PPFIA3: variants seen among roughly 807,000 people sequenced by gnomAD.
PPFIA3 encodes the protein PPFI scaffold protein A3, also known as liprin-alpha-3.
PPFIA3 carries 26 observed loss-of-function variants against 145.8 expected under a neutral mutation model. The ratio of observed to expected loss-of-function variants is 0.18; its 90% CI spans 0.13 to 0.25. The LOEUF is 0.25. Among genes scored for constraint, PPFIA3 ranks in the 10% least tolerant of loss-of-function variants. The pLI is 1.00. For synonymous variants in PPFIA3, 645 were observed against 661.4 expected (o/e 0.98, Z 0.38); for missense variants, 1,008 against 1,587.8 (o/e 0.63, Z 6.21).
At chr19:49,122,096 T>G (rs1012598672) in intron 1 of PPFIA3, among the ~76,000 whole-genome samples, 6 of 151,636 alleles carry the variant, frequency 4.0e-5, no homozygotes, top group African/African-American at 1.5e-4. Context: ...TTTTTTTTTT[T>G]TGAGACGGAG....
Position 49,150,415 on chromosome 19 carries a change from A to C in PPFIA3, c.*193A>C. The C allele has an allele frequency of 1.6e-5, 6 of 381,938 alleles. No individual in the cohort carries two copies. The highest frequency in any genetic ancestry group is 4.2e-5 in the Admixed American group (1 of 23,746). The allele number at this position is 381,938 out of a possible 1,614,324, so 23.7% of individuals were successfully genotyped here. On this transcript the variant is annotated 3_prime_UTR_variant, in exon 30 of 30. Transcript: ENST00000334186. ...AGGGCCGGGGCCTGGACCAAACCAC[A>C]TGAACTGGACTGAGAGGGGGAAGAA...
At chr19:49,129,165 G>A (rs2041039042) in intron 4 of PPFIA3, among the ~76,000 whole-genome samples, 153 bp downstream of exon 4, 1 of 152,184 alleles carries the variant, frequency 6.6e-6, no homozygotes, top group Admixed American at 6.5e-5. Context: ...ACATAGACTG[G>A]GACCTGACTG....
Position 49,139,750 on chromosome 19 carries a change from G to C in PPFIA3, c.2159G>C (p.Arg720Pro). The change falls in exon 17 of 30, where the codon CGC becomes CCC. Residue 720 changes from arginine to proline, a missense_variant. Physicochemically the swap from Arg to Pro is moderately radical, Grantham distance 103 (BLOSUM62 -2). This residue lies in a region of PPFIA3 where 202 missense variants were observed against 241.8 expected (regional missense o/e 0.84). Transcript: ENST00000334186. The part of the protein sequence containing the change: ...IPGDTPPPTP[R>P]SARLERMTQA... ...GGAGACACCCCACCACCCACTCCCC[G>C]CTCTGCCCGTCTTGAGAGAATGACC... 2 of 1,613,936 alleles carry C rather than the reference G, an allele frequency of 1.2e-6. No homozygotes were observed. The highest frequency in any genetic ancestry group is 1.7e-6 in the Non-Finnish European group (2 of 1,179,904).
intron 24 of PPFIA3, 144 bp from the exon 25 acceptor site, chr19:49,148,522 C>G (rs2041305127): frequency 3.9e-6 from 3 of 771,142 alleles, no homozygotes; most frequent in Non-Finnish European, 6.4e-6. Flanking sequence ...AATGCCTCAC[C>G]TCCTGAGGGG....
chr19:49,140,877 A>G (rs1319111260), intron 18 of PPFIA3, among the ~76,000 whole-genome samples: 1 of 150,634 alleles, frequency 6.6e-6, no homozygotes, highest in African/African-American at 2.4e-5. Context: ...GATGGTCTTG[A>G]TCTCCTGACC....
In PPFIA3 at chr19:49,148,705, C is replaced by G; in HGVS notation, c.3051C>G (p.Leu1017=). The G allele has an allele frequency of 6.2e-7, 1 of 1,614,054 alleles. No individual in the cohort carries two copies. The highest frequency in any genetic ancestry group is 8.5e-7 in the Non-Finnish European group (1 of 1,179,990). Residue 1017 remains leucine, a synonymous_variant, in exon 25 of 30, where the codon CTC becomes CTG. Coordinates refer to ENST00000334186, the MANE Select transcript of PPFIA3 (RefSeq NM_003660.4). ...LHYGIMCLKR[L]NYDRKDLERR... Reference sequence around the variant, plus strand: ...ATGGGATTATGTGCCTGAAACGGCTCAACTATGACCGGAAGGACCTGGAGC... The same window carrying G: ...ATGGGATTATGTGCCTGAAACGGCTGAACTATGACCGGAAGGACCTGGAGC...
intron 18 of PPFIA3, 151 bp from the exon 19 acceptor site, chr19:49,141,269 G>A (rs1191630871): frequency 5.7e-5 from 34 of 592,298 alleles, no homozygotes; most frequent in South Asian, 5.4e-4. Flanking sequence ...ATTCATGGGC[G>A]CTTGTCTGCC....
At position 49,136,944 on chromosome 19, in the gene PPFIA3, C is replaced by A. The variant is rs2041145876; in HGVS notation, c.1853+33C>A. On this transcript the variant is annotated intron_variant, in intron 15 of 29. Coordinates refer to ENST00000334186, the MANE Select transcript of PPFIA3 (RefSeq NM_003660.4). ...CTGGCCCCGCCCCGGCCTGCCCTGC[C>A]CTGCCGGAGCTGACTCCACAGCCCT... The A allele has an allele frequency of 2.7e-6, 4 of 1,461,982 alleles. No homozygotes were observed. The East Asian group carries it at 1.0e-4, about 37-fold the overall frequency. The allele number at this position is 1,461,982 out of a possible 1,614,324, so 90.6% of individuals were successfully genotyped here. A position where few individuals can be genotyped will look rare whatever the true frequency, so the allele number is the denominator to read the frequency against.
At chr19:49,143,131 C>A in intron 21 of PPFIA3, 127 bp downstream of exon 21, 3 of 1,077,082 alleles carry the variant, frequency 2.8e-6, no homozygotes, top group Non-Finnish European at 4.0e-6. Flanking sequence ...GCTTTTACCC[C>A]CCTCAGCCTC....
At chr19:49,140,639 CTTTTTTTTTT>C (rs4002348) in intron 18 of PPFIA3, among the ~76,000 whole-genome samples, 71 of 63,838 alleles carry the variant, frequency 1.1e-3, no homozygotes, top group Non-Finnish European at 1.3e-3. Context: ...ACTCATTTAC[CTTTTTTTTTT>C]TTTTTTTTTT....
In PPFIA3 at chr19:49,120,404, C is replaced by A. The variant is rs1416028876; in HGVS notation, c.-16+682C>A. ...GCACCCCAGGTTCCTGGGACTCCAG[C>A]TGCTCCCTGAGGATCCAGGGCTTCT... On this transcript the variant is annotated intron_variant, in intron 1 of 29. Coordinates refer to ENST00000334186, the MANE Select transcript of PPFIA3 (RefSeq NM_003660.4). This position sits in a 1 kb window ranked among gnomAD's most constrained non-coding sequence, Gnocchi z 4.6. 6.6e-6 allele frequency among the ~76,000 whole-genome samples: 1 copy of A among 152,198 alleles called. No homozygotes were observed. Among genetic ancestry groups the A allele is most frequent in the Non-Finnish European group, 1.5e-5 (1 of 68,016 alleles).
At position 49,146,371 on chromosome 19, in the gene PPFIA3, G is replaced by A. The variant is rs1194704816; in HGVS notation, c.2835+179G>A. 3 of 737,222 alleles carry A rather than the reference G, an allele frequency of 4.1e-6. No homozygotes were observed. The African/African-American group carries it at 5.3e-5, about 13-fold the overall frequency. The allele number at this position is 737,222 out of a possible 1,614,324, so 45.7% of individuals were successfully genotyped here. On this transcript the variant is annotated intron_variant, in intron 23 of 29. Coordinates refer to ENST00000334186, the MANE Select transcript of PPFIA3 (RefSeq NM_003660.4). ...TGGCTTGGCGGTGGGGAGGGTAGAG[G>A]GGATGCGATGTGGAAGCCCAGACTG...
intron 20 of PPFIA3, 27 bp from the exon 21 acceptor site, chr19:49,142,777 C>G: frequency 6.2e-7 from 1 of 1,605,326 alleles, no homozygotes; most frequent in Non-Finnish European, 8.5e-7. Context: ...CCTCTGTCCC[C>G]TCTGTCCCTC....
Position 49,133,335 on chromosome 19 carries a change from G to A in PPFIA3, c.1125G>A (p.Glu375=), listed in dbSNP as rs533853018. The A allele has an allele frequency of 1.2e-4, 201 of 1,608,022 alleles. No individual in the cohort carries two copies. The highest frequency in any genetic ancestry group is 1.1e-4 in the Non-Finnish European group (126 of 1,177,836). Reference sequence around the variant, plus strand: ...AAGCGGAGACCTTGCCCGAGATAGAGGCGCAGCTGGCGCAGCGCGTGGCGG... The same window carrying A: ...AAGCGGAGACCTTGCCCGAGATAGAAGCGCAGCTGGCGCAGCGCGTGGCGG... ...LQKAETLPEI[E]AQLAQRVAAL... is the part of the protein sequence containing the mutation. The change falls in exon 9 of 30, where the codon GAG becomes GAA. Residue 375 remains glutamate (E), a synonymous_variant. Coordinates refer to ENST00000334186, the MANE Select transcript of PPFIA3 (RefSeq NM_003660.4). The surrounding 1 kb of genome is among the most constrained non-coding windows in gnomAD (Gnocchi z 7.2).
At chr19:49,147,686 A>AAGAGAGAGAGAGAG (rs143496485) in intron 23 of PPFIA3, among the ~76,000 whole-genome samples, 89 of 145,814 alleles carry the variant, frequency 6.1e-4, no homozygotes, top group African/African-American at 2.2e-3. Context: ...CTCTTTCAGA[A>AAGAGAGAGAGAGAG]AGAGAGAGAG....
intron 23 of PPFIA3, among the ~76,000 whole-genome samples, chr19:49,147,876 A>G (rs1240769261): frequency 6.6e-6 from 1 of 152,230 alleles, no homozygotes; most frequent in Non-Finnish European, 1.5e-5. Flanking sequence ...GTCTCAGGAC[A>G]ACTGTTTGAG....
chr19:49,137,642 A>G (rs922855462), intron 15 of PPFIA3, among the ~76,000 whole-genome samples: 15 of 149,398 alleles, frequency 1.0e-4, no homozygotes, highest in South Asian at 6.4e-4. Flanking sequence ...AAAAAAAAAA[A>G]AAAAAAAAAA....
chr19:49,145,940 C>T lies in PPFIA3; in HGVS notation c.2746-3C>T, dbSNP rs2041274649. Reference sequence around the variant, plus strand: ...CCATCCATTAACACTCCCTGCCCCTCAGTCCACAGGAAACGTGTGGATGAC... The same window carrying T: ...CCATCCATTAACACTCCCTGCCCCTTAGTCCACAGGAAACGTGTGGATGAC... On this transcript the variant is annotated splice_region_variant and splice_polypyrimidine_tract_variant and intron_variant, in intron 21 of 29. Coordinates refer to ENST00000334186, the MANE Select transcript of PPFIA3 (RefSeq NM_003660.4). 1.9e-6 allele frequency: 3 copies of T among 1,613,586 alleles called. No homozygotes were observed. In the South Asian group the frequency reaches 3.3e-5, roughly 18 times the overall value.
Position 49,130,328 on chromosome 19 carries a change from G to C in PPFIA3, c.658-50G>C, listed in dbSNP as rs763822770. On this transcript the variant is annotated intron_variant, in intron 6 of 29. Transcript: ENST00000334186. The surrounding 1 kb of genome is among the most constrained non-coding windows in gnomAD (Gnocchi z 4.5). ...TTGACTTTCTCCTTGGATTTCCTCT[G>C]TGTCTCCGGAGACACTCTGGGATCT... The C allele has an allele frequency of 2.0e-6, 3 of 1,484,810 alleles. No homozygotes were observed. Among genetic ancestry groups the C allele is most frequent in the Non-Finnish European group, 2.7e-6 (3 of 1,096,056 alleles). 92.0% of individuals were successfully genotyped at this position (1,484,810 alleles called of 1,614,324 possible).
Sources: gnomAD v4.1 joint callset for allele counts (sites outside exome capture counted in the v4.1 genomes callset) on GRCh38, gnomAD v4.1.1 for gene constraint, gnomAD v4.1.1 regional missense constraint, Gnocchi (gnomAD v3.1) non-coding constraint, MANE v1.5 for transcripts, NCBI Gene and HGNC (gene_info 2026-07-23, HGNC 2026-07-21) for gene names.